Variants in IGF1R observed in about 807,000 individuals in gnomAD.
The protein encoded by IGF1R is insulin-like growth factor 1 receptor.
In IGF1R, 44 loss-of-function variants were observed where a neutral mutation model predicts 144.6. That is an observed-to-expected ratio of 0.30 (90% CI 0.24 to 0.39). The LOEUF is 0.39. Among genes scored for constraint, IGF1R ranks in the 10% least tolerant of loss-of-function variants. IGF1R has a pLI of 1.00. For synonymous variants in IGF1R, 795 were observed against 722.8 expected (o/e 1.10, Z -1.60); for missense variants, 1,355 against 1,833.7 (o/e 0.74, Z 4.77).
chr15:98,720,308 A>G (rs991033953), intron 2 of IGF1R, among the ~76,000 whole-genome samples: 1 of 152,208 alleles, frequency 6.6e-6, no homozygotes, highest in African/African-American at 2.4e-5. Context: ...ACCATTGTCT[A>G]TTGCAGAAAG....
chr15:98,840,752 T>A (rs1286175921), intron 2 of IGF1R, among the ~76,000 whole-genome samples: 1 of 150,666 alleles, frequency 6.6e-6, no homozygotes, highest in African/African-American at 2.4e-5. Context: ...CTCAGCTCAC[T>A]GCAGCCTCTC....
intron 13 of IGF1R, among the ~76,000 whole-genome samples, chr15:98,927,603 G>C (rs1468756412): frequency 2.0e-5 from 3 of 152,158 alleles, no homozygotes; most frequent in Non-Finnish European, 2.9e-5. Flanking sequence ...TAAGGGCCTT[G>C]GGGGAAGAAA....
chr15:98,687,365 G>C (rs1350508331), intron 1 of IGF1R, among the ~76,000 whole-genome samples: 1 of 152,198 alleles, frequency 6.6e-6, no homozygotes, highest in East Asian at 1.9e-4. Context: ...GATGGAAGGA[G>C]CTGCTGGGAA....
At chr15:98,815,437 G>A (rs997190589) in intron 2 of IGF1R, among the ~76,000 whole-genome samples, 14 of 152,254 alleles carry the variant, frequency 9.2e-5, no homozygotes, top group Non-Finnish European at 1.3e-4. Context: ...GAGGCCTGGC[G>A]CATGAAAGCA....
rs557396929 is a variant in IGF1R, at chr15:98,800,882, C to G, written c.641-90443C>G. On this transcript the variant is annotated intron_variant, in intron 2 of 20. Coordinates refer to ENST00000650285, the MANE Select transcript of IGF1R (RefSeq NM_000875.5). ...CAGCAGTTGGGTAATACATTTCATT[C>G]ACTTGCAGCCATCTAGCCCAGGCTT... Among the ~76,000 whole-genome samples the G allele has an allele frequency of 1.2e-4, 18 of 152,306 alleles. No individual in the cohort carries two copies. The East Asian group carries it at 3.3e-3, about 28-fold the overall frequency.
intron 2 of IGF1R, among the ~76,000 whole-genome samples, chr15:98,846,965 C>T (rs193197537): frequency 6.6e-6 from 1 of 152,210 alleles, no homozygotes; most frequent in Non-Finnish European, 1.5e-5. Context: ...CAGACAAAGG[C>T]GGAACAGTTC....
chr15:98,938,907 T>C (rs1357022571), intron 17 of IGF1R, among the ~76,000 whole-genome samples: 3 of 152,148 alleles, frequency 2.0e-5, no homozygotes, highest in African/African-American at 7.2e-5. Context: ...TGTTTCACTT[T>C]AAAAAAATGT....
chr15:98,717,312 G>A (rs1307104459), intron 2 of IGF1R, among the ~76,000 whole-genome samples: 2 of 144,314 alleles, frequency 1.4e-5, no homozygotes, highest in African/African-American at 2.6e-5. Flanking sequence ...ATAGGTTTTT[G>A]GTAAATGGTG....
chr15:98,922,204 G>C lies in IGF1R; in HGVS notation c.2258G>C (p.Arg753Pro). ...MQVANTTMSS[R>P]SRNTTAADTY... ...GTGGCCAACACCACCATGTCCAGCCGAAGCAGGAACACCACGGCCGCAGAC... is the reference window on the plus strand; with the variant it reads ...GTGGCCAACACCACCATGTCCAGCCCAAGCAGGAACACCACGGCCGCAGAC... Residue 753 changes from arginine to proline, a missense_variant, in exon 11 of 21, where the codon CGA becomes CCA. Arg to Pro is a moderately radical substitution (Grantham distance 103). Around this residue, in one of 7 missense-constraint regions of IGF1R, gnomAD observed 880 missense variants for 1,202.7 expected, o/e 0.73. Transcript: ENST00000650285. The C allele has an allele frequency of 1.2e-6, 2 of 1,614,186 alleles. No individual in the cohort carries two copies. The highest frequency in any genetic ancestry group is 1.7e-6 in the Non-Finnish European group (2 of 1,180,026).
At chr15:98,896,527 C>T (rs1054631304) in intron 3 of IGF1R, among the ~76,000 whole-genome samples, 4 of 152,206 alleles carry the variant, frequency 2.6e-5, no homozygotes, top group Non-Finnish European at 5.9e-5. Flanking sequence ...TGGAAGCAAG[C>T]AACACGCTCT....
intron 1 of IGF1R, among the ~76,000 whole-genome samples, chr15:98,674,315 G>A (rs1022952653): frequency 2.0e-5 from 3 of 152,198 alleles, no homozygotes; most frequent in Non-Finnish European, 2.9e-5. Flanking sequence ...ACTCTTGAAT[G>A]CCTGCTACCT....
chr15:98,850,247 T>A (rs2011481818), intron 2 of IGF1R, among the ~76,000 whole-genome samples: 3 of 152,150 alleles, frequency 2.0e-5, no homozygotes, highest in Non-Finnish European at 1.5e-5. Context: ...GTGGGCATGG[T>A]GGTGAGGGTG....
intron 19 of IGF1R, among the ~76,000 whole-genome samples, chr15:98,947,677 G>A (rs907632184): frequency 6.6e-6 from 1 of 152,158 alleles, no homozygotes; most frequent in African/African-American, 2.4e-5. Flanking sequence ...GTTTTCCAGT[G>A]GTTTGATCTT....
rs886051629 is a variant in IGF1R at position 98,964,317 on chromosome 15, T to C, written c.*6875T>C. ...TAAAAAATCCTGTTTATATAAAAAATCAGTAGATGAAAAAAATTTCAAAAT... is the reference window on the plus strand; with the variant it reads ...TAAAAAATCCTGTTTATATAAAAAACCAGTAGATGAAAAAAATTTCAAAAT... On this transcript the variant is annotated 3_prime_UTR_variant, in exon 21 of 21. Transcript: ENST00000650285. 2 of 231,616 alleles carry C rather than the reference T, an allele frequency of 8.6e-6. No homozygotes were observed. Among genetic ancestry groups the C allele is most frequent in the Non-Finnish European group, 1.7e-5 (2 of 116,992 alleles). The allele number at this position is 231,616 out of a possible 1,614,324, so 14.3% of individuals were successfully genotyped here.
intron 2 of IGF1R, among the ~76,000 whole-genome samples, chr15:98,763,024 G>A (rs942826099): frequency 2.1e-5 from 3 of 141,348 alleles, no homozygotes; most frequent in African/African-American, 8.0e-5. Flanking sequence ...CCAGCCTGGC[G>A]ACAGAGCTAG....
rs1462764560 is a variant in IGF1R, at chr15:98,788,058, C to CTGTGTGTGTG, written c.640+79952_640+79953insGTGTGTGTGT. On this transcript the variant is annotated intron_variant, in intron 2 of 20. Transcript: ENST00000650285. ...GATCTCTCTCTCTCTCTCTCTCTCT[C>CTGTGTGTGTG]TCTCTGTGTGTGTGTGTGTGTGTGT... 3.2e-3 allele frequency among the ~76,000 whole-genome samples: 410 copies of CTGTGTGTGTG among 128,048 alleles called. 2 individuals carry two copies. Among genetic ancestry groups the CTGTGTGTGTG allele is most frequent in the African/African-American group, 0.011 (375 of 32,878 alleles). 84.0% of individuals were successfully genotyped at this position (128,048 alleles called of 152,430 possible).
intron 4 of IGF1R, among the ~76,000 whole-genome samples, chr15:98,898,587 G>A (rs2014319130): frequency 6.6e-6 from 1 of 152,288 alleles, no homozygotes; most frequent in East Asian, 1.9e-4. Flanking sequence ...TAAATTAGAT[G>A]TAGGGCTTTA....
At chr15:98,890,578 A>G (rs2013857885) in intron 2 of IGF1R, 2 of 152,726 alleles carry the variant, frequency 1.3e-5, no homozygotes. Flanking sequence ...TACTTTCCTA[A>G]TCAGCTTGCT....
chr15:98,763,586 G>A (rs1486270950), intron 2 of IGF1R, among the ~76,000 whole-genome samples: 1 of 152,004 alleles, frequency 6.6e-6, no homozygotes, highest in African/African-American at 2.4e-5. Context: ...TTAACAGGTA[G>A]CATCCACAGA....
Sources: allele counts gnomAD v4.1 joint callset (sites outside exome capture counted in the v4.1 genomes callset), GRCh38; gene constraint gnomAD v4.1.1; regional missense constraint gnomAD v4.1.1; transcripts MANE v1.5; gene names NCBI Gene and HGNC (gene_info 2026-07-23, HGNC 2026-07-21).